NCBP2L: variants seen among roughly 807,000 people sequenced by gnomAD.
The protein encoded by NCBP2L is nuclear cap binding protein subunit 2 like.
For missense variants in NCBP2L, 95 were observed against 53.1 expected, an observed-to-expected ratio of 1.79 and a Z score of -2.45; for synonymous variants, 39 against 19.2, an observed-to-expected ratio of 2.04 and a Z score of -2.70.
intron 1 of NCBP2L, among the ~76,000 whole-genome samples, chrX:107,790,618 T>C (rs1930439436): frequency 9.0e-6 from 1 of 111,568 alleles, no homozygotes; most frequent in Non-Finnish European, 1.9e-5. Flanking sequence ...CTGTTCTCTC[T>C]GCCTAGAATG....
intron 1 of NCBP2L, among the ~76,000 whole-genome samples, chrX:107,782,635 C>T (rs986127567): frequency 2.9e-5 from 3 of 104,348 alleles, no homozygotes; most frequent in African/African-American, 1.0e-4. Context: ...CACCCAACCC[C>T]TGGTAACCAC....
At chrX:107,791,206 C>T (rs1930447388) in intron 1 of NCBP2L, among the ~76,000 whole-genome samples, 1 of 111,341 alleles carries the variant, frequency 9.0e-6, no homozygotes, top group Non-Finnish European at 1.9e-5. Context: ...TCAATCTGTC[C>T]TTTTGCCACG....
intron 1 of NCBP2L, among the ~76,000 whole-genome samples, chrX:107,791,524 G>A (rs1930452724): frequency 8.9e-6 from 1 of 112,545 alleles, no homozygotes; most frequent in African/African-American, 3.2e-5. Flanking sequence ...GGGATTGCAG[G>A]CGTGAGCCAC....
intron 1 of NCBP2L, among the ~76,000 whole-genome samples, chrX:107,790,876 A>G (rs745532606): frequency 8.9e-6 from 1 of 111,842 alleles, no homozygotes; most frequent in South Asian, 3.8e-4. Flanking sequence ...GTCCTTTAGA[A>G]AGTTGTTTTC....
At chrX:107,782,276 AATATATATAAATATATATATATAAAT>A (rs1199560967) in intron 1 of NCBP2L, among the ~76,000 whole-genome samples, 119 of 17,627 alleles carry the variant, frequency 6.8e-3, no homozygotes, top group Non-Finnish European at 7.7e-3. Context: ...TATATATATA[AATATATATAAATATATATATATAAAT>A]ATATATATAA....
intron 1 of NCBP2L, among the ~76,000 whole-genome samples, chrX:107,783,380 A>ATTTTT (rs1280169056): frequency 1.7e-5 from 1 of 58,681 alleles, no homozygotes; most frequent in African/African-American, 6.5e-5. Flanking sequence ...TTTTTTTTTT[A>ATTTTT]TTTTTTATTT....
chrX:107,780,505 T>C (rs777636357), intron 1 of NCBP2L, among the ~76,000 whole-genome samples: 1 of 111,135 alleles, frequency 9.0e-6, no homozygotes, highest in East Asian at 2.8e-4. Context: ...TTTTCTAAGG[T>C]TACACAGCTG....
intron 1 of NCBP2L, among the ~76,000 whole-genome samples, chrX:107,783,066 A>G (rs1462942183): frequency 9.1e-6 from 1 of 110,229 alleles, no homozygotes; most frequent in Non-Finnish European, 1.9e-5. Flanking sequence ...CTATCAATGG[A>G]CACTTAGGCA....
rs1319607710 is a variant in NCBP2L at position 107,794,766 on chromosome X, C to T, written c.*84C>T. ...ACCTCAAGTCTGCAAATAGCCAATTCCAAGTTTAAATTACCTTACTTGTTG... is the reference window on the plus strand; with the variant it reads ...ACCTCAAGTCTGCAAATAGCCAATTTCAAGTTTAAATTACCTTACTTGTTG... On this transcript the variant is annotated 3_prime_UTR_variant, in exon 2 of 2. Transcript: ENST00000509000. The T allele has an allele frequency of 4.2e-5, 17 of 402,387 alleles. No individual in the cohort carries two copies. The highest frequency in any genetic ancestry group is 7.1e-5 in the Non-Finnish European group (16 of 224,217). 33.2% of individuals were successfully genotyped at this position (402,387 alleles called of 1,213,427 possible). A position where few individuals can be genotyped will look rare whatever the true frequency, so the allele number is the denominator to read the frequency against.
intron 1 of NCBP2L, among the ~76,000 whole-genome samples, chrX:107,786,659 G>C (rs1206875941): frequency 1.8e-5 from 2 of 111,399 alleles, no homozygotes; most frequent in Admixed American, 9.6e-5. Flanking sequence ...GTGTTAGGCA[G>C]TTTACATACC....
intron 1 of NCBP2L, among the ~76,000 whole-genome samples, chrX:107,793,378 G>A (rs1930477018): frequency 9.0e-6 from 1 of 111,249 alleles, no homozygotes; most frequent in South Asian, 3.8e-4. Context: ...TAGAAATAGG[G>A]AGACCCAGTG....
intron 1 of NCBP2L, among the ~76,000 whole-genome samples, chrX:107,779,315 C>T (rs1930235018): frequency 8.9e-6 from 1 of 112,522 alleles, no homozygotes; most frequent in Non-Finnish European, 1.9e-5. Context: ...GTACCACTAA[C>T]ACTATCGTGA....
chrX:107,783,006 T>G (rs751167391), intron 1 of NCBP2L, among the ~76,000 whole-genome samples: 2 of 109,007 alleles, frequency 1.8e-5, no homozygotes, highest in African/African-American at 6.7e-5. Flanking sequence ...TTAGAAAAAA[T>G]TAGGAATTCA....
intron 1 of NCBP2L, among the ~76,000 whole-genome samples, chrX:107,790,549 T>C (rs1042465317): frequency 1.8e-5 from 2 of 111,218 alleles, no homozygotes; most frequent in African/African-American, 6.6e-5. Flanking sequence ...CCTTATTTTC[T>C]TTGCCCAAAT....
intron 1 of NCBP2L, among the ~76,000 whole-genome samples, chrX:107,782,338 A>AAAT (rs1930331085): frequency 2.9e-5 from 1 of 34,789 alleles, no homozygotes; most frequent in Non-Finnish European, 3.9e-5. Flanking sequence ...TATATATATA[A>AAAT]ATATATATAT....
At position 107,794,552 on chromosome X, in the gene NCBP2L, CTGATTGGGATGTCGGTTTTAGAGAGGG is replaced by C. The variant is rs746261360; in HGVS notation, c.334_360del (p.Asp112_Gly120del). On this transcript the variant is annotated inframe_deletion, in exon 2 of 2. Coordinates refer to ENST00000509000, the MANE Select transcript of NCBP2L (RefSeq NM_001348372.2). Reference sequence around the variant, plus strand: ...TGCCTAGATGAATGGATTATCTGCACTGATTGGGATGTCGGTTTTAGAGAGGGTCAACAGTATGGTCGCGGTAAATCT... The same window carrying C: ...TGCCTAGATGAATGGATTATCTGCACTCAACAGTATGGTCGCGGTAAATCT... The C allele has an allele frequency of 3.5e-6, 2 of 567,954 alleles. No individual in the cohort carries two copies. Among genetic ancestry groups the C allele is most frequent in the Non-Finnish European group, 3.2e-6 (1 of 309,177 alleles). The allele number at this position is 567,954 out of a possible 1,213,427, so 46.8% of individuals were successfully genotyped here.
At chrX:107,779,972 C>G (rs1930244549) in intron 1 of NCBP2L, among the ~76,000 whole-genome samples, 1 of 104,719 alleles carries the variant, frequency 9.5e-6, no homozygotes, top group Non-Finnish European at 2.0e-5. Context: ...TCTTGATCTC[C>G]TGACCTCGTG....
intron 1 of NCBP2L, among the ~76,000 whole-genome samples, chrX:107,780,895 T>C (rs763095333): frequency 9.2e-6 from 1 of 108,444 alleles, no homozygotes; most frequent in African/African-American, 3.4e-5. Flanking sequence ...CCCGAAGTTC[T>C]GGGATTACAG....
rs182911843 is a variant in NCBP2L, at chrX:107,792,258, A to G, written c.-72-1891A>G. 2.7e-5 allele frequency among the ~76,000 whole-genome samples: 3 copies of G among 109,734 alleles called. No homozygotes were observed. The East Asian group carries it at 8.6e-4, about 31-fold the overall frequency. On this transcript the variant is annotated intron_variant, in intron 1 of 1. Coordinates refer to ENST00000509000, the MANE Select transcript of NCBP2L (RefSeq NM_001348372.2). ...TTGCCATCTCATCTACAAGGAAATT[A>G]TGGCAAACTTTGTCCAATGCCTGGA...
Sources: gnomAD v4.1 joint callset for allele counts (sites outside exome capture counted in the v4.1 genomes callset) on GRCh38, gnomAD v4.1.1 for gene constraint, MANE v1.5 for transcripts, NCBI Gene and HGNC (gene_info 2026-07-23, HGNC 2026-07-21) for gene names.